The following ADAMTS3 variants were observed in gnomAD, a reference collection of about 807,000 sequenced individuals.
ADAMTS3 encodes the protein ADAM metallopeptidase with thrombospondin type 1 motif 3, also known as A disintegrin and metalloproteinase with thrombospondin motifs 3.
In ADAMTS3, 73 loss-of-function variants were observed where a neutral mutation model predicts 129.0. The observed-to-expected ratio is 0.57, with a 90% CI of 0.47 to 0.69. The LOEUF is 0.69. Among genes scored for constraint, ADAMTS3 ranks in the 30% least tolerant of loss-of-function variants. The pLI, the probability that ADAMTS3 is intolerant of heterozygous loss-of-function variation, is 0.00. For missense variants in ADAMTS3, 1,457 were observed against 1,514.5 expected (o/e 0.96, Z 0.63); for synonymous variants, 477 against 510.8 (o/e 0.93, Z 0.89).
At chr4:72,518,663 T>A (rs966502731) in intron 3 of ADAMTS3, among the ~76,000 whole-genome samples, 1 of 152,186 alleles carries the variant, frequency 6.6e-6, no homozygotes, top group African/African-American at 2.4e-5. Flanking sequence ...TTGCAACCCC[T>A]GCTTTTTTTT....
At chr4:72,430,456 C>T (rs933209786) in intron 3 of ADAMTS3, among the ~76,000 whole-genome samples, 1 of 151,962 alleles carries the variant, frequency 6.6e-6, no homozygotes, top group Admixed American at 6.6e-5. Flanking sequence ...AGGCACCAGA[C>T]ATGTGAATGA....
intron 3 of ADAMTS3, among the ~76,000 whole-genome samples, chr4:72,531,963 A>G (rs909424583): frequency 6.6e-6 from 1 of 152,212 alleles, no homozygotes; most frequent in Middle Eastern, 3.4e-3. Flanking sequence ...AAGTTGTGCA[A>G]AGTTAATCCA....
intron 3 of ADAMTS3, among the ~76,000 whole-genome samples, chr4:72,452,176 A>C (rs1578691438): frequency 6.6e-6 from 1 of 151,940 alleles, no homozygotes; most frequent in Middle Eastern, 3.4e-3. Flanking sequence ...ACAGAATCTG[A>C]ATACAAAAAT....
intron 3 of ADAMTS3, among the ~76,000 whole-genome samples, chr4:72,528,966 G>A (rs890377038): frequency 3.9e-5 from 6 of 152,034 alleles, no homozygotes; most frequent in African/African-American, 1.4e-4. Flanking sequence ...TGCCAATAAT[G>A]GCTAAAGAGA....
In ADAMTS3 at chr4:72,319,708, A is replaced by G. The variant is rs141760084; in HGVS notation, c.1208+150T>C. 784 of 779,284 alleles carry G rather than the reference A, an allele frequency of 1.0e-3. 14 individuals are homozygous for G. In the East Asian group the frequency reaches 0.021, roughly 20 times the overall value. The allele number at this position is 779,284 out of a possible 1,614,324, so 48.3% of individuals were successfully genotyped here. A position where few individuals can be genotyped will look rare whatever the true frequency, so the allele number is the denominator to read the frequency against. ...CCAGTCACTCATTTAGTTTCCGTGC[A>G]TGACCTCTTCTCTGTTTGCAGCTCT... On this transcript the variant is annotated intron_variant, in intron 8 of 21. Transcript: ENST00000286657.
At chr4:72,566,938 A>T (rs1483460456) in intron 2 of ADAMTS3, among the ~76,000 whole-genome samples, 1 of 152,220 alleles carries the variant, frequency 6.6e-6, no homozygotes, top group Non-Finnish European at 1.5e-5. Context: ...CAAAGCAGGA[A>T]AGATTGTAAG....
At chr4:72,518,421 A>G (rs1213871444) in intron 3 of ADAMTS3, among the ~76,000 whole-genome samples, 3 of 152,202 alleles carry the variant, frequency 2.0e-5, no homozygotes, top group South Asian at 4.2e-4. Context: ...AGATCTGTCT[A>G]ATGTTGACAG....
At chr4:72,339,117 G>C (rs1720062342) in intron 5 of ADAMTS3, among the ~76,000 whole-genome samples, 2 of 152,152 alleles carry the variant, frequency 1.3e-5, no homozygotes. Context: ...AGTGATTCTA[G>C]AAAGAACTAT....
At chr4:72,434,830 T>C (rs1391190420) in intron 3 of ADAMTS3, among the ~76,000 whole-genome samples, 3 of 151,872 alleles carry the variant, frequency 2.0e-5, no homozygotes, top group Non-Finnish European at 4.4e-5. Context: ...TCCGCTGGCC[T>C]TGAAGAAGCA....
chr4:72,496,017 C>A (rs1323627750), intron 3 of ADAMTS3, among the ~76,000 whole-genome samples: 2 of 152,170 alleles, frequency 1.3e-5, no homozygotes, highest in African/African-American at 4.8e-5. Context: ...TCAAAAATGA[C>A]TATAATGGGA....
chr4:72,554,317 G>C (rs1284205939), intron 2 of ADAMTS3, among the ~76,000 whole-genome samples: 1 of 151,986 alleles, frequency 6.6e-6, no homozygotes, highest in African/African-American at 2.4e-5. Flanking sequence ...TTTTCCTAGT[G>C]GTTTCCAAAC....
chr4:72,527,158 A>C (rs1376273824), intron 3 of ADAMTS3, among the ~76,000 whole-genome samples: 1 of 152,082 alleles, frequency 6.6e-6, no homozygotes, highest in Non-Finnish European at 1.5e-5. Context: ...AGCCCTGACA[A>C]TCTGACCCTG....
chr4:72,505,588 G>A (rs560057321), intron 3 of ADAMTS3, among the ~76,000 whole-genome samples: 1 of 152,304 alleles, frequency 6.6e-6, no homozygotes, highest in South Asian at 2.1e-4. Flanking sequence ...GGGCAAGATG[G>A]ACAAATACAC....
chr4:72,455,910 G>A (rs1232707681), intron 3 of ADAMTS3, among the ~76,000 whole-genome samples: 941 of 55,254 alleles, frequency 0.017, 94 homozygotes, highest in African/African-American at 0.075. Context: ...TATATACACT[G>A]TATATATACT....
At chr4:72,444,661 T>C (rs535427336) in intron 3 of ADAMTS3, among the ~76,000 whole-genome samples, 2 of 151,906 alleles carry the variant, frequency 1.3e-5, no homozygotes, top group South Asian at 4.1e-4. Flanking sequence ...ACTTAAATGC[T>C]AGATAAAATC....
chr4:72,371,533 C>A (rs1721008235), intron 4 of ADAMTS3, among the ~76,000 whole-genome samples: 1 of 151,332 alleles, frequency 6.6e-6, no homozygotes, highest in African/African-American at 2.4e-5. Context: ...AGAAGCATTA[C>A]TAAAAACAAA....
Position 72,318,669 on chromosome 4 carries a change from T to C in ADAMTS3, c.1388A>G (p.His463Arg), listed in dbSNP as rs895821484. 6.2e-7 allele frequency: 1 copy of C among 1,613,710 alleles called. No individual in the cohort carries two copies. Among genetic ancestry groups the C allele is most frequent in the Non-Finnish European group, 8.5e-7 (1 of 1,179,840 alleles). The change falls in exon 10 of 22, where the codon CAT becomes CGT. Residue 463 changes from histidine to arginine, a missense_variant. His to Arg is a conservative substitution (Grantham distance 29). Coordinates refer to ENST00000286657, the MANE Select transcript of ADAMTS3 (RefSeq NM_014243.3). ...AAGTTCTGGGAGTTTAGGCCAATCATGATCAAAAGGGTCATCAAGGAGACA... is the reference window on the plus strand; with the variant it reads ...AAGTTCTGGGAGTTTAGGCCAATCACGATCAAAAGGGTCATCAAGGAGACA... ...YDCLLDDPFDHDWPKLPELPG... is the reference protein window; with the variant it reads ...YDCLLDDPFDRDWPKLPELPG...
intron 3 of ADAMTS3, among the ~76,000 whole-genome samples, chr4:72,544,886 T>G (rs1721426458): frequency 6.6e-6 from 1 of 152,086 alleles, no homozygotes; most frequent in Non-Finnish European, 1.5e-5. Flanking sequence ...TTTCCCTAAT[T>G]TTTAACCATC....
intron 3 of ADAMTS3, among the ~76,000 whole-genome samples, chr4:72,531,945 G>A (rs1721054763): frequency 6.6e-6 from 1 of 152,040 alleles, no homozygotes; most frequent in Non-Finnish European, 1.5e-5. Context: ...GACTAAAAGA[G>A]GGAGTTAAAG....
Sources: allele counts gnomAD v4.1 joint callset (sites outside exome capture counted in the v4.1 genomes callset), GRCh38; gene constraint gnomAD v4.1.1; transcripts MANE v1.5; gene names NCBI Gene and HGNC (gene_info 2026-07-23, HGNC 2026-07-21).